Variants in DST observed in about 807,000 individuals in gnomAD.
The protein encoded by DST is bullous pemphigoid antigen.
In DST, 253 loss-of-function variants were observed where a neutral mutation model predicts 875.2. The observed-to-expected ratio is 0.29, with a 90% CI of 0.26 to 0.32. The LOEUF is 0.32. Among genes scored for constraint, DST ranks in the 10% least tolerant of loss-of-function variants. DST has a pLI of 1.00. For synonymous variants in DST, 3,124 were observed against 3,197.1 expected (o/e 0.98, Z 0.77); for missense variants, 8,287 against 9,111.6 (o/e 0.91, Z 3.68).
chr6:56,883,100 T>C (rs529593665), intron 3 of DST, among the ~76,000 whole-genome samples: 2 of 152,306 alleles, frequency 1.3e-5, no homozygotes, highest in South Asian at 4.1e-4. Flanking sequence ...ACTCCTGACC[T>C]CAGGTGATCC....
At position 56,517,634 on chromosome 6, in the gene DST, A is replaced by G. The variant is rs778167910; in HGVS notation, c.18130-14T>C. On this transcript the variant is annotated splice_polypyrimidine_tract_variant and intron_variant, in intron 69 of 103. Coordinates refer to ENST00000680361, the MANE Select transcript of DST (RefSeq NM_001374736.1). ...TGCTTGGTCAAACTAAACAAAAGATAAATAATTAGGTCAGCACGTTCCCGT... is the reference window on the plus strand; with the variant it reads ...TGCTTGGTCAAACTAAACAAAAGATGAATAATTAGGTCAGCACGTTCCCGT... The G allele has an allele frequency of 1.9e-5, 31 of 1,610,034 alleles. No homozygotes were observed. Among genetic ancestry groups the G allele is most frequent in the Non-Finnish European group, 9.3e-6 (11 of 1,178,274 alleles).
At position 56,627,392 on chromosome 6, in the gene DST, C is replaced by T. The variant is rs979951457; in HGVS notation, c.4639-105G>A. On this transcript the variant is annotated intron_variant, in intron 33 of 103. Transcript: ENST00000680361. ...ATATCTACATCACTTCACAGTACAG[C>T]TCCTTAGCCCTTTGCACTTAATACA... 50 of 820,994 alleles carry T rather than the reference C, an allele frequency of 6.1e-5. No individual in the cohort carries two copies. The African/African-American group carries it at 7.9e-4, about 13-fold the overall frequency. 50.9% of individuals were successfully genotyped at this position (820,994 alleles called of 1,614,324 possible).
chr6:56,593,951 A>G lies in DST; in HGVS notation c.12438T>C (p.Phe4146=), dbSNP rs1231137625. ...LEKFDADYTE[F]EHWLQQSEQE... ...GTTCTGACTGCTGTAGCCAGTGCTC[A>G]AACTCGGTATAGTCAGCATCAAACT... Residue 4146 remains phenylalanine, a synonymous_variant, in exon 48 of 104, where the codon TTT becomes TTC. Transcript: ENST00000680361. 1 of 1,613,854 alleles carries G rather than the reference A, an allele frequency of 6.2e-7. No individual in the cohort carries two copies. The highest frequency in any genetic ancestry group is 1.7e-5 in the Admixed American group (1 of 59,994).
intron 5 of DST, among the ~76,000 whole-genome samples, chr6:56,728,345 T>A (rs1427926793): frequency 6.6e-6 from 1 of 152,246 alleles, no homozygotes; most frequent in African/African-American, 2.4e-5. Context: ...AAATTCTTGT[T>A]CTGTATTCTT....
chr6:56,725,785 T>C (rs778842305), intron 5 of DST, among the ~76,000 whole-genome samples: 1 of 152,144 alleles, frequency 6.6e-6, no homozygotes, highest in African/African-American at 2.4e-5. Flanking sequence ...GAAATGCAAT[T>C]TCAGGCCTCT....
intron 67 of DST, 80 bp from the exon 68 acceptor site, chr6:56,527,814 T>G: frequency 1.4e-6 from 2 of 1,387,766 alleles, no homozygotes; most frequent in Non-Finnish European, 1.9e-6. Context: ...TATGGAACAC[T>G]GATGAAATTT....
chr6:56,594,496 TAA>T (rs1272528990), intron 47 of DST, among the ~76,000 whole-genome samples: 1 of 152,190 alleles, frequency 6.6e-6, no homozygotes, highest in African/African-American at 2.4e-5. Context: ...AATTTTAAAA[TAA>T]GTGTCTATAA....
Position 56,487,118 on chromosome 6 carries a change from T to C in DST, c.21033A>G (p.Gly7011=), listed in dbSNP as rs1452562947. Residue 7011 remains glycine, a synonymous_variant, in exon 87 of 104, where the codon GGA becomes GGG. Transcript: ENST00000680361. ...GAACATTTTACCTTTCCACAGATTT[T>C]CCACATATGGTATCCCATTTGTCTC... ...ELRDKWDTIC[G]KSVERQNKLE... The C allele has an allele frequency of 6.2e-7, 1 of 1,613,882 alleles. No homozygotes were observed. Among genetic ancestry groups the C allele is most frequent in the African/African-American group, 1.3e-5 (1 of 75,046 alleles).
intron 90 of DST, among the ~76,000 whole-genome samples, chr6:56,478,083 A>G (rs2095271641): frequency 1.3e-5 from 2 of 152,168 alleles, no homozygotes; most frequent in African/African-American, 2.4e-5. Flanking sequence ...CCAAATTTAG[A>G]TATAATTATG....
At chr6:56,666,747 T>C (rs1454321362) in intron 10 of DST, among the ~76,000 whole-genome samples, 1 of 151,704 alleles carries the variant, frequency 6.6e-6, no homozygotes, top group East Asian at 1.9e-4. Flanking sequence ...CTTTTTTTTT[T>C]TTTTTTGAGA....
chr6:56,535,246 C>G lies in DST; in HGVS notation c.16817G>C (p.Gly5606Ala). The G allele has an allele frequency of 6.2e-7, 1 of 1,611,750 alleles. No homozygotes were observed. Among genetic ancestry groups the G allele is most frequent in the Non-Finnish European group, 8.5e-7 (1 of 1,179,150 alleles). The change falls in exon 63 of 104, where the codon GGG (glycine) becomes GCG (alanine). Residue 5606 changes from glycine (G) to alanine (A), a missense_variant. Coordinates refer to ENST00000680361, the MANE Select transcript of DST (RefSeq NM_001374736.1). The stretch of plus-strand genomic sequence containing the variant: ...GGACTCCAGGGCATCCTGGAACCTC[C>G]CACAGTGCAGCAAGGCCTCCTGCAG... ...AQLQEALLHCGRFQDALESLL... is the reference protein window; with the variant it reads ...AQLQEALLHCARFQDALESLL...
At chr6:56,574,358 A>G (rs960226332) in intron 50 of DST, among the ~76,000 whole-genome samples, 4 of 152,188 alleles carry the variant, frequency 2.6e-5, no homozygotes, top group African/African-American at 9.6e-5. Flanking sequence ...TAACTTTTAC[A>G]TATAAAAATT....
intron 5 of DST, among the ~76,000 whole-genome samples, chr6:56,717,689 T>G (rs767348535): frequency 5.3e-5 from 8 of 152,050 alleles, no homozygotes; most frequent in Non-Finnish European, 1.2e-4. Context: ...AACCCACCAA[T>G]TACTATTTTG....
intron 9 of DST, among the ~76,000 whole-genome samples, chr6:56,687,937 G>T (rs901584184): frequency 6.6e-6 from 1 of 152,132 alleles, no homozygotes; most frequent in African/African-American, 2.4e-5. Flanking sequence ...TAAAGTCCAA[G>T]TGCTAATGCT....
intron 5 of DST, among the ~76,000 whole-genome samples, chr6:56,721,572 G>A (rs553988399): frequency 7.9e-5 from 12 of 152,320 alleles, no homozygotes; most frequent in South Asian, 2.1e-4. Context: ...CGGTCCCTCC[G>A]TTTGGGGTCC....
chr6:56,511,106 A>T, intron 73 of DST, 91 bp downstream of exon 73: 1 of 1,113,460 alleles, frequency 9.0e-7, no homozygotes, highest in Non-Finnish European at 1.3e-6. Flanking sequence ...AAATAATTTT[A>T]GTTAAAATTT....
At chr6:56,940,833 T>C (rs1285957373) in intron 2 of DST, among the ~76,000 whole-genome samples, 2 of 151,842 alleles carry the variant, frequency 1.3e-5, no homozygotes, top group Admixed American at 6.6e-5. Context: ...CAAGTGATCC[T>C]CCCCCGTCAG....
At chr6:56,460,492 G>A (rs913144237) in intron 102 of DST, 2 of 393,664 alleles carry the variant, frequency 5.1e-6, no homozygotes, top group Non-Finnish European at 9.1e-6. Context: ...CATGGTTGAA[G>A]AGAAAACAAA....
At position 56,953,714 on chromosome 6, in the gene DST, C is replaced by T; in HGVS notation, c.216+71G>A. 3.6e-6 allele frequency: 4 copies of T among 1,114,870 alleles called. No homozygotes were observed. The South Asian group carries it at 5.4e-5, about 15-fold the overall frequency. 69.1% of individuals were successfully genotyped at this position (1,114,870 alleles called of 1,614,324 possible). ...AGTGTCCTACTGGTTTCTTAACACG[C>T]ATATAATTAATATTGGTACTCAGGA... On this transcript the variant is annotated intron_variant, in intron 2 of 103. Coordinates refer to ENST00000680361, the MANE Select transcript of DST (RefSeq NM_001374736.1).
Sources: allele counts gnomAD v4.1 joint callset (sites outside exome capture counted in the v4.1 genomes callset), GRCh38; gene constraint gnomAD v4.1.1; transcripts MANE v1.5; gene names NCBI Gene and HGNC (gene_info 2026-07-23, HGNC 2026-07-21).